Variants in CWH43 observed in about 807,000 individuals in gnomAD.
CWH43 encodes the protein cell wall biogenesis 43 C-terminal homolog, also known as PGAP2-interacting protein.
CWH43 carries 91 observed loss-of-function variants against 85.7 expected under a neutral mutation model. That is an observed-to-expected ratio of 1.06 (90% CI 0.90 to 1.26). The LOEUF is 1.26. CWH43 is among the 50% of genes most tolerant of loss of function. The pLI is 0.00. For missense variants in CWH43, 869 were observed against 839.2 expected (o/e 1.04, Z -0.44); for synonymous variants, 323 against 293.6 (o/e 1.10, Z -1.02).
chr4:49,012,555 C>T (rs528064496), intron 8 of CWH43, among the ~76,000 whole-genome samples: 1 of 152,306 alleles, frequency 6.6e-6, no homozygotes, highest in Admixed American at 6.5e-5. Flanking sequence ...AAGAGGCACT[C>T]TGGTTTTTAG....
At chr4:48,988,800 C>T (rs750452113) in intron 2 of CWH43, 132 bp downstream of exon 2, 9 of 591,770 alleles carry the variant, frequency 1.5e-5, no homozygotes, top group Non-Finnish European at 2.5e-5. Context: ...TTACCACTGC[C>T]TTAGAAGAGC....
chr4:49,040,334 A>G (rs1045529094), intron 13 of CWH43, among the ~76,000 whole-genome samples: 7 of 152,326 alleles, frequency 4.6e-5, no homozygotes, highest in Admixed American at 4.6e-4. Context: ...GACTTCCACA[A>G]TGGTTGAACT....
At chr4:49,039,633 A>G (rs961913692) in intron 13 of CWH43, among the ~76,000 whole-genome samples, 1 of 151,364 alleles carries the variant, frequency 6.6e-6, no homozygotes, top group African/African-American at 2.4e-5. Context: ...TTAGGGTGTA[A>G]CATTATTTAC....
intron 8 of CWH43, among the ~76,000 whole-genome samples, chr4:49,013,717 C>T (rs1451037598): frequency 3.3e-5 from 5 of 152,094 alleles, no homozygotes; most frequent in African/African-American, 1.2e-4. Context: ...TCACTTCTAA[C>T]ATAGATAAGA....
At chr4:48,991,377 A>G in intron 2 of CWH43, 77 bp from the exon 3 acceptor site, 2 of 1,496,686 alleles carry the variant, frequency 1.3e-6, no homozygotes. Flanking sequence ...GTATCAGATA[A>G]CATGCATCAA....
At chr4:48,996,385 A>G (rs1782814641) in intron 5 of CWH43, among the ~76,000 whole-genome samples, 1 of 152,174 alleles carries the variant, frequency 6.6e-6, no homozygotes, top group Non-Finnish European at 1.5e-5. Context: ...ATTTTAAAAA[A>G]TGTTTTTCTT....
chr4:49,051,661 C>T (rs1784802344), intron 15 of CWH43, among the ~76,000 whole-genome samples: 1 of 152,164 alleles, frequency 6.6e-6, no homozygotes, highest in African/African-American at 2.4e-5. Context: ...ACTGCAACCT[C>T]TGCCTCCTGG....
chr4:49,008,904 A>G (rs951436217), intron 8 of CWH43, among the ~76,000 whole-genome samples: 23 of 152,230 alleles, frequency 1.5e-4, no homozygotes, highest in African/African-American at 5.3e-4. Context: ...GAAGTCAGGT[A>G]GCCTGATGCC....
intron 9 of CWH43, among the ~76,000 whole-genome samples, chr4:49,023,631 C>A (rs1209266076): frequency 1.3e-5 from 2 of 152,202 alleles, no homozygotes; most frequent in African/African-American, 2.4e-5. Context: ...CCTGCCTTGG[C>A]CTCCAAAAAT....
In CWH43 at chr4:49,017,308, G is replaced by A. The variant is rs1359511015; in HGVS notation, c.1246G>A (p.Glu416Lys). The A allele has an allele frequency of 1.2e-6, 2 of 1,611,370 alleles. No individual in the cohort carries two copies. The highest frequency in any genetic ancestry group is 1.3e-5 in the African/African-American group (1 of 74,896). The stretch of plus-strand genomic sequence containing the variant: ...ATTAGGACTACGGCATAAAGCCTAT[G>A]AGAGAAAACTGGGCAAAGTGGTAAG... The part of the protein sequence containing the change: ...LGLGLRHKAY[E>K]RKLGKVAPTK... Residue 416 changes from glutamate to lysine, a missense_variant, in exon 9 of 16, where the codon GAG (glutamate) becomes AAG (lysine). Coordinates refer to ENST00000226432, the MANE Select transcript of CWH43 (RefSeq NM_025087.3).
At position 49,054,917 on chromosome 4, in the gene CWH43, G is replaced by GA. The variant is rs1421848084; in HGVS notation, c.2021+4068_2021+4069insA. Among the ~76,000 whole-genome samples the GA allele has an allele frequency of 1.8e-3, 264 of 149,212 alleles. 2 individuals are homozygous for GA. The highest frequency in any genetic ancestry group is 6.1e-3 in the African/African-American group (247 of 40,394). On this transcript the variant is annotated intron_variant, in intron 15 of 15. Coordinates refer to ENST00000226432, the MANE Select transcript of CWH43 (RefSeq NM_025087.3). ...CAGTTTTTTTCAGTGGAGTTTTTAG[G>GA]GATATATATATATATATAATCATGT...
chr4:49,039,774 T>A (rs1346887167), intron 13 of CWH43, among the ~76,000 whole-genome samples: 1 of 151,992 alleles, frequency 6.6e-6, no homozygotes, highest in South Asian at 2.1e-4. Flanking sequence ...CTTTAAGTTT[T>A]AGGGTACATG....
intron 9 of CWH43, among the ~76,000 whole-genome samples, chr4:49,026,967 G>T (rs1783935598): frequency 1.3e-5 from 2 of 152,126 alleles, no homozygotes; most frequent in African/African-American, 4.8e-5. Flanking sequence ...TCTCTAAACT[G>T]TTTTCCATTG....
chr4:49,060,623 G>C (rs918192614), intron 15 of CWH43, among the ~76,000 whole-genome samples: 2 of 152,118 alleles, frequency 1.3e-5, no homozygotes, highest in Admixed American at 1.3e-4. Flanking sequence ...CTTGGGGGAG[G>C]AGTGATAGAA....
At chr4:49,047,769 C>T (rs951440677) in intron 14 of CWH43, among the ~76,000 whole-genome samples, 3 of 151,990 alleles carry the variant, frequency 2.0e-5, no homozygotes, top group Admixed American at 6.6e-5. Context: ...ATCTAGGGAT[C>T]CTTAGCAAGC....
chr4:48,991,305 T>C, intron 2 of CWH43, 149 bp from the exon 3 acceptor site: 1 of 729,254 alleles, frequency 1.4e-6, no homozygotes, highest in Non-Finnish European at 2.1e-6. Flanking sequence ...TGTATTTCAA[T>C]AAAAATTTTA....
chr4:49,054,934 T>TAA (rs1553918560), intron 15 of CWH43, among the ~76,000 whole-genome samples: 1 of 152,158 alleles, frequency 6.6e-6, no homozygotes, highest in Non-Finnish European at 1.5e-5. Flanking sequence ...TATATATATA[T>TAA]AATCATGTCA....
chr4:48,986,667 T>C (rs1782505450), intron 1 of CWH43, 195 bp downstream of exon 1: 2 of 1,355,328 alleles, frequency 1.5e-6, no homozygotes, highest in East Asian at 6.0e-5. Flanking sequence ...GATTGAAGTC[T>C]TCAAGCTGAG....
At chr4:49,050,640 T>C in intron 14 of CWH43, 54 bp from the exon 15 acceptor site, 1 of 1,465,556 alleles carries the variant, frequency 6.8e-7, no homozygotes, top group Non-Finnish European at 9.3e-7. Flanking sequence ...TGGATCTCGT[T>C]AGATTTCTAT....
Sources: allele counts gnomAD v4.1 joint callset (sites outside exome capture counted in the v4.1 genomes callset), GRCh38; gene constraint gnomAD v4.1.1; transcripts MANE v1.5; gene names NCBI Gene and HGNC (gene_info 2026-07-23, HGNC 2026-07-21).